The following SEMA5A variants were observed in gnomAD, a reference collection of about 807,000 sequenced individuals.
SEMA5A encodes semaphorin-5A.
A neutral mutation model predicts 135.5 loss-of-function variants in SEMA5A; 55 were observed. The observed-to-expected ratio is 0.41, with a 90% CI of 0.33 to 0.51. The LOEUF (loss-of-function observed/expected upper bound fraction) is 0.51, where lower values mean the gene tolerates loss of function less well. SEMA5A is among the 20% of genes least tolerant of loss of function. The probability of loss-of-function intolerance (pLI) is 0.37; values close to 1 mark genes in which losing one functional copy is unlikely to be tolerated. For missense variants in SEMA5A, 1,290 were observed against 1,419.9 expected (o/e 0.91, Z 1.47); for synonymous variants, 580 against 546.5 (o/e 1.06, Z -0.85).
At chr5:9,318,485 T>C (rs1378284423) in intron 4 of SEMA5A, 68 bp from the exon 5 acceptor site, 2 of 1,316,954 alleles carry the variant, frequency 1.5e-6, no homozygotes, top group Non-Finnish European at 2.1e-6. Context: ...TTTATAAAAA[T>C]TTCAAGAACA....
At chr5:9,202,763 G>C (rs1029508350) in intron 8 of SEMA5A, among the ~76,000 whole-genome samples, 1 of 152,128 alleles carries the variant, frequency 6.6e-6, no homozygotes, top group Admixed American at 6.5e-5. Context: ...TGTTTTCATT[G>C]TTGGGAATGA....
intron 2 of SEMA5A, among the ~76,000 whole-genome samples, chr5:9,404,907 T>G (rs943534182): frequency 6.6e-6 from 1 of 152,194 alleles, no homozygotes; most frequent in Non-Finnish European, 1.5e-5. Context: ...TTTTGAAAAG[T>G]ATTAGATTCC....
intron 3 of SEMA5A, among the ~76,000 whole-genome samples, chr5:9,376,151 G>C (rs1017824741): frequency 6.6e-6 from 1 of 152,034 alleles, no homozygotes; most frequent in Non-Finnish European, 1.5e-5. Flanking sequence ...GGCTGTCCCT[G>C]CCGGCATTTT....
At chr5:9,048,296 C>T (rs554277225) in intron 21 of SEMA5A, among the ~76,000 whole-genome samples, 10 of 152,304 alleles carry the variant, frequency 6.6e-5, no homozygotes, top group African/African-American at 2.4e-4. Context: ...GGCTGAATTC[C>T]ATGTGTGCAC....
chr5:9,386,781 A>G (rs1201233631), intron 2 of SEMA5A, among the ~76,000 whole-genome samples: 1 of 152,240 alleles, frequency 6.6e-6, no homozygotes, highest in East Asian at 1.9e-4. Flanking sequence ...CAATCTACAC[A>G]TAGTCCCAAT....
intron 5 of SEMA5A, among the ~76,000 whole-genome samples, chr5:9,300,769 A>G (rs1197938411): frequency 2.0e-5 from 3 of 152,194 alleles, no homozygotes; most frequent in African/African-American, 7.2e-5. Context: ...GTTCAGGGCT[A>G]TATTAGACAC....
rs759328575 is a variant in SEMA5A, at chr5:9,202,230, A to C, written c.657T>G (p.Phe219Leu). 1.2e-6 allele frequency: 2 copies of C among 1,612,752 alleles called. No homozygotes were observed. The highest frequency in any genetic ancestry group is 1.3e-5 in the African/African-American group (1 of 74,920). Residue 219 changes from phenylalanine to leucine, a missense_variant, in exon 9 of 23, where the codon TTT becomes TTG. Coordinates refer to ENST00000382496, the MANE Select transcript of SEMA5A (RefSeq NM_003966.3). Reference protein sequence around the residue: ...YNSKWLNEPNFVSSYDIGNFT... With the variant: ...YNSKWLNEPNLVSSYDIGNFT... Reference sequence around the variant, plus strand: ...AATTTCCGATGTCATAAGATGACACAAAGTTTGGCTCTGGAAACAATAGAA... The same window carrying C: ...AATTTCCGATGTCATAAGATGACACCAAGTTTGGCTCTGGAAACAATAGAA...
intron 13 of SEMA5A, among the ~76,000 whole-genome samples, chr5:9,123,876 T>C (rs944685291): frequency 2.6e-5 from 4 of 152,058 alleles, no homozygotes; most frequent in African/African-American, 9.7e-5. Context: ...AATCCGACGA[T>C]GGATTCACGA....
At chr5:9,513,068 A>ATATATATAT (rs1554044104) in intron 1 of SEMA5A, among the ~76,000 whole-genome samples, 4 of 143,716 alleles carry the variant, frequency 2.8e-5, no homozygotes, top group Non-Finnish European at 4.5e-5. Context: ...ATATATATAT[A>ATATATATAT]ATATATATAT....
intron 16 of SEMA5A, among the ~76,000 whole-genome samples, chr5:9,092,726 A>C (rs1322964250): frequency 2.0e-5 from 3 of 152,220 alleles, no homozygotes; most frequent in African/African-American, 7.2e-5. Context: ...AATGTGTTGC[A>C]TTGTAAGAGA....
intron 2 of SEMA5A, among the ~76,000 whole-genome samples, chr5:9,382,666 T>TA (rs1480213185): frequency 6.6e-6 from 1 of 152,204 alleles, no homozygotes; most frequent in Non-Finnish European, 1.5e-5. Flanking sequence ...CAGCTGAGTT[T>TA]AGAGTCTCTC....
At chr5:9,327,639 C>A (rs1752938775) in intron 4 of SEMA5A, among the ~76,000 whole-genome samples, 1 of 152,058 alleles carries the variant, frequency 6.6e-6, no homozygotes, top group African/African-American at 2.4e-5. Context: ...CTAAACAATG[C>A]CGCCAGCAAA....
intron 1 of SEMA5A, among the ~76,000 whole-genome samples, chr5:9,521,283 G>A (rs574876029): frequency 2.0e-4 from 31 of 152,256 alleles, no homozygotes; most frequent in South Asian, 1.5e-3. Flanking sequence ...GGTGGCGCAC[G>A]CCTGCAACCC....
At chr5:9,427,558 T>C (rs1331417456) in intron 2 of SEMA5A, among the ~76,000 whole-genome samples, 5 of 152,146 alleles carry the variant, frequency 3.3e-5, no homozygotes, top group Non-Finnish European at 7.3e-5. Context: ...CCTTCTGCCT[T>C]CTTGGTTGGT....
chr5:9,365,337 G>A (rs1579419608), intron 3 of SEMA5A, among the ~76,000 whole-genome samples: 3 of 151,968 alleles, frequency 2.0e-5, no homozygotes, highest in East Asian at 3.9e-4. Context: ...TATTTTTCAA[G>A]GTCTAGATTA....
intron 1 of SEMA5A, among the ~76,000 whole-genome samples, chr5:9,450,651 G>A (rs1456538331): frequency 1.3e-5 from 2 of 151,768 alleles, no homozygotes; most frequent in Non-Finnish European, 2.9e-5. Flanking sequence ...AAGTTTGAAG[G>A]AGCTTTCTTC....
intron 5 of SEMA5A, among the ~76,000 whole-genome samples, chr5:9,311,759 TA>T (rs1018497030): frequency 6.6e-6 from 1 of 151,870 alleles, no homozygotes; most frequent in African/African-American, 2.4e-5. Flanking sequence ...TAAAATAAAA[TA>T]AAATAAAAAG....
intron 1 of SEMA5A, among the ~76,000 whole-genome samples, chr5:9,490,709 GGGATGCCCCCT>G (rs1325198327): frequency 1.3e-5 from 2 of 152,156 alleles, no homozygotes; most frequent in Non-Finnish European, 2.9e-5. Context: ...CCTCTTCCCG[GGGATGCCCCCT>G]GTGACTCCTT....
intron 1 of SEMA5A, among the ~76,000 whole-genome samples, chr5:9,500,470 C>T (rs527976154): frequency 5.9e-5 from 9 of 152,252 alleles, no homozygotes; most frequent in South Asian, 2.1e-4. Flanking sequence ...AATGAAAGTG[C>T]GTCTTGTAGT....
Sources: allele counts gnomAD v4.1 joint callset (sites outside exome capture counted in the v4.1 genomes callset), GRCh38; gene constraint gnomAD v4.1.1; transcripts MANE v1.5; gene names NCBI Gene and HGNC (gene_info 2026-07-23, HGNC 2026-07-21).